The following GLP2R variants were observed in gnomAD, a reference collection of about 807,000 sequenced individuals.
The protein encoded by GLP2R is glucagon like peptide 2 receptor, also known as glucagon-like peptide 2 receptor.
A neutral mutation model predicts 68.2 loss-of-function variants in GLP2R; 59 were observed. The observed-to-expected ratio is 0.87, with a 90% CI of 0.70 to 1.07. The LOEUF (loss-of-function observed/expected upper bound fraction) is 1.07, where lower values mean the gene tolerates loss of function less well. Ranked by LOEUF, GLP2R falls within the 50% of genes least tolerant of loss-of-function variation. The probability of loss-of-function intolerance (pLI) is 0.00; values close to 1 mark genes in which losing one functional copy is unlikely to be tolerated. For synonymous variants in GLP2R, 270 were observed against 265.4 expected (o/e 1.02, Z -0.17); for missense variants, 548 against 677.4 (o/e 0.81, Z 2.12).
chr17:9,857,528 C>T lies in GLP2R; in HGVS notation c.717C>T (p.Tyr239=), dbSNP rs1567727498. ...LVKDVVFYNS[Y]SKRPDNENGW... ...AGGACGTCGTCTTCTACAACTCTTACTCCAAGAGGCCTGACAATGAGAATG... is the reference window on the plus strand; with the variant it reads ...AGGACGTCGTCTTCTACAACTCTTATTCCAAGAGGCCTGACAATGAGAATG... Residue 239 remains tyrosine (Y), a synonymous_variant, in exon 6 of 13, where the codon TAC becomes TAT. Coordinates refer to ENST00000262441, the MANE Select transcript of GLP2R (RefSeq NM_004246.3). 2 of 1,614,166 alleles carry T rather than the reference C, an allele frequency of 1.2e-6. No individual in the cohort carries two copies. The highest frequency in any genetic ancestry group is 1.1e-5 in the South Asian group (1 of 91,076).
chr17:9,840,528 A>G (rs1204223932), intron 3 of GLP2R, among the ~76,000 whole-genome samples: 1 of 152,256 alleles, frequency 6.6e-6, no homozygotes, highest in Non-Finnish European at 1.5e-5. Flanking sequence ...TATATTAGTG[A>G]CAAAAACCGA....
At chr17:9,884,851 T>C (rs1314385134) in intron 11 of GLP2R, among the ~76,000 whole-genome samples, 1 of 152,174 alleles carries the variant, frequency 6.6e-6, no homozygotes, top group Admixed American at 6.5e-5. Context: ...GCCGTAATCT[T>C]CTTTAAAAGG....
rs145980943 is a variant in GLP2R at position 9,868,302 on chromosome 17, C to A, written c.1057-2445C>A. Among the ~76,000 whole-genome samples the A allele has an allele frequency of 3.6e-3, 546 of 152,140 alleles. 1 individual carries two copies. Among genetic ancestry groups the A allele is most frequent in the Non-Finnish European group, 5.8e-3 (392 of 67,996 alleles). ...GCAGGCCAGAGGAGGAGGGGTTTGG[C>A]GGTAGATGGAAGAGTTTAGGGGTAG... On this transcript the variant is annotated intron_variant, in intron 9 of 12. Transcript: ENST00000262441.
At chr17:9,829,499 T>C (rs1198817238) in intron 1 of GLP2R, among the ~76,000 whole-genome samples, 1 of 152,182 alleles carries the variant, frequency 6.6e-6, no homozygotes, top group African/African-American at 2.4e-5. Context: ...AGCAAACATC[T>C]TAAAACAACA....
At chr17:9,886,982 A>G (rs1285619654) in intron 11 of GLP2R, among the ~76,000 whole-genome samples, 4 of 152,150 alleles carry the variant, frequency 2.6e-5, no homozygotes, top group Admixed American at 6.5e-5. Context: ...AGACCCTTAC[A>G]TCAATTAGGG....
At chr17:9,861,924 A>G in intron 8 of GLP2R, 97 bp from the exon 9 acceptor site, 1 of 853,276 alleles carries the variant, frequency 1.2e-6, no homozygotes, top group Non-Finnish European at 2.0e-6. Context: ...GTAGGGCTTG[A>G]GTGCAAGCAT....
At chr17:9,830,385 T>C (rs1003014700) in intron 1 of GLP2R, among the ~76,000 whole-genome samples, 66 of 152,258 alleles carry the variant, frequency 4.3e-4, no homozygotes, top group Admixed American at 4.3e-3. Context: ...GCAACTCATC[T>C]GCTGAATTTG....
At chr17:9,886,702 G>A (rs957512700) in intron 11 of GLP2R, among the ~76,000 whole-genome samples, 4 of 152,294 alleles carry the variant, frequency 2.6e-5, no homozygotes, top group East Asian at 1.9e-4. Context: ...GGTTGATGTC[G>A]TGATTGCCAG....
chr17:9,860,195 A>G, intron 7 of GLP2R, 94 bp downstream of exon 7: 1 of 1,237,124 alleles, frequency 8.1e-7, no homozygotes, highest in Non-Finnish European at 1.1e-6. Flanking sequence ...ACCTAACTGG[A>G]GGTTGCTTCT....
chr17:9,832,166 A>C (rs922141354), intron 1 of GLP2R, among the ~76,000 whole-genome samples: 1 of 152,204 alleles, frequency 6.6e-6, no homozygotes, highest in African/African-American at 2.4e-5. Flanking sequence ...GCCCAGGTAT[A>C]GTGGCTCATG....
chr17:9,880,111 G>A (rs532841335), intron 10 of GLP2R, among the ~76,000 whole-genome samples: 1 of 152,288 alleles, frequency 6.6e-6, no homozygotes, highest in East Asian at 1.9e-4. Context: ...AAGAGCTACA[G>A]ACATATGACA....
At chr17:9,863,891 TG>T (rs1006285066) in intron 9 of GLP2R, among the ~76,000 whole-genome samples, 1 of 152,190 alleles carries the variant, frequency 6.6e-6, no homozygotes, top group African/African-American at 2.4e-5. Context: ...GGTGGGTTCT[TG>T]ATAAACATAT....
intron 1 of GLP2R, among the ~76,000 whole-genome samples, chr17:9,833,535 A>G (rs1280811751): frequency 5.3e-5 from 8 of 152,220 alleles, no homozygotes; most frequent in Admixed American, 3.9e-4. Flanking sequence ...TTAGGATAAG[A>G]ATTTTGCGTA....
At chr17:9,839,259 T>G (rs57789133) in intron 3 of GLP2R, among the ~76,000 whole-genome samples, 4,782 of 152,186 alleles carry the variant, frequency 0.031, 238 homozygotes, top group African/African-American at 0.11. Context: ...GTCTGGATTC[T>G]GGCAAGGGCA....
intron 9 of GLP2R, among the ~76,000 whole-genome samples, chr17:9,864,303 G>A (rs1470928426): frequency 2.0e-5 from 3 of 152,252 alleles, no homozygotes; most frequent in East Asian, 1.9e-4. Context: ...TACTGAATCC[G>A]AGTCTGCATT....
chr17:9,884,924 T>C (rs972778712), intron 11 of GLP2R, among the ~76,000 whole-genome samples: 17 of 152,062 alleles, frequency 1.1e-4, no homozygotes, highest in African/African-American at 4.1e-4. Flanking sequence ...TTTGGTGGCC[T>C]TTTTTCTCCG....
intron 6 of GLP2R, among the ~76,000 whole-genome samples, chr17:9,859,702 C>T (rs1342975095): frequency 6.7e-6 from 1 of 149,294 alleles, no homozygotes; most frequent in Non-Finnish European, 1.5e-5. Context: ...GCCTGTAATC[C>T]TAGCTACTCG....
chr17:9,860,310 C>T (rs1411828287), intron 7 of GLP2R, among the ~76,000 whole-genome samples: 1 of 152,212 alleles, frequency 6.6e-6, no homozygotes, highest in African/African-American at 2.4e-5. Flanking sequence ...GCCCAATGGA[C>T]ACATTCAAAA....
intron 9 of GLP2R, among the ~76,000 whole-genome samples, 190 bp downstream of exon 9, chr17:9,862,280 A>G (rs2066994202): frequency 1.3e-5 from 2 of 152,158 alleles, no homozygotes; most frequent in South Asian, 2.1e-4. Flanking sequence ...TTGGAGTTAC[A>G]TTGTAAGCCT....
Sources: allele counts gnomAD v4.1 joint callset (sites outside exome capture counted in the v4.1 genomes callset), GRCh38; gene constraint gnomAD v4.1.1; transcripts MANE v1.5; gene names NCBI Gene and HGNC (gene_info 2026-07-23, HGNC 2026-07-21).